Variants in DOCK1 observed in about 807,000 individuals in gnomAD.
DOCK1 encodes the protein dedicator of cytokinesis protein 1.
A neutral mutation model predicts 262.7 loss-of-function variants in DOCK1; 138 were observed. The ratio of observed to expected loss-of-function variants is 0.53; its 90% CI spans 0.46 to 0.61. The LOEUF is 0.61. DOCK1 is among the 20% of genes least tolerant of loss of function. The pLI is 0.00. For synonymous variants in DOCK1, 866 were observed against 867.4 expected, an observed-to-expected ratio of 1.00 and a Z score of 0.03; for missense variants, 1,908 against 2,370.7, an observed-to-expected ratio of 0.80 and a Z score of 4.05.
chr10:127,280,127 C>T (rs1209923417), intron 29 of DOCK1, among the ~76,000 whole-genome samples: 14 of 149,880 alleles, frequency 9.3e-5, no homozygotes, highest in Middle Eastern at 3.5e-3. Context: ...CTCCGCCTCC[C>T]GGGTTCACGC....
At chr10:127,155,347 A>C (rs4237451) in intron 27 of DOCK1, among the ~76,000 whole-genome samples, 32,550 of 152,124 alleles carry the variant, frequency 0.21, 4,193 homozygotes, top group South Asian at 0.29. Flanking sequence ...CCTCATGGTT[A>C]TGTGCAGTTT....
intron 23 of DOCK1, among the ~76,000 whole-genome samples, chr10:127,088,237 G>A (rs2047314422): frequency 6.6e-6 from 1 of 152,034 alleles, no homozygotes; most frequent in Non-Finnish European, 1.5e-5. Context: ...TGTCCTTTTC[G>A]CTTATTATTG....
In DOCK1 at chr10:127,099,768, A is replaced by T. The variant is rs144198491; in HGVS notation, c.2446-6463A>T. On this transcript the variant is annotated intron_variant, in intron 23 of 51. Coordinates refer to ENST00000623213, the MANE Select transcript of DOCK1 (RefSeq NM_001290223.2). ...CCTCCAACACTGGGGATCACGTTTC[A>T]GCATGAGAGATGGAGAGGACACACA... 5.3e-5 allele frequency among the ~76,000 whole-genome samples: 8 copies of T among 152,332 alleles called. No individual in the cohort carries two copies. In the East Asian group the frequency reaches 1.2e-3, roughly 22 times the overall value.
intron 1 of DOCK1, among the ~76,000 whole-genome samples, chr10:126,919,564 T>C (rs964672397): frequency 1.2e-4 from 19 of 152,160 alleles, no homozygotes; most frequent in Admixed American, 1.0e-3. Context: ...TGGGGGTGTG[T>C]GCAGGAGGCC....
intron 38 of DOCK1, among the ~76,000 whole-genome samples, chr10:127,397,926 C>T (rs932136503): frequency 2.0e-5 from 3 of 151,976 alleles, no homozygotes; most frequent in Admixed American, 2.0e-4. Flanking sequence ...CTGGATGACA[C>T]AAATAGTGGC....
intron 27 of DOCK1, among the ~76,000 whole-genome samples, chr10:127,173,899 G>A (rs1033627782): frequency 6.6e-6 from 1 of 152,160 alleles, no homozygotes; most frequent in East Asian, 1.9e-4. Flanking sequence ...CATTTGGCTG[G>A]CAGTTCTTTT....
At chr10:126,936,058 G>A (rs1417434225) in intron 1 of DOCK1, among the ~76,000 whole-genome samples, 1 of 152,186 alleles carries the variant, frequency 6.6e-6, no homozygotes, top group Admixed American at 6.5e-5. Flanking sequence ...ATAGCTCACT[G>A]CAGCCTTGAA....
chr10:126,948,454 T>G (rs1159151738), intron 1 of DOCK1, among the ~76,000 whole-genome samples: 23 of 151,292 alleles, frequency 1.5e-4, no homozygotes, highest in South Asian at 2.1e-4. Flanking sequence ...TGGTGGTGAT[T>G]GTGTTGGTAG....
At chr10:127,094,067 G>A in intron 23 of DOCK1, among the ~76,000 whole-genome samples, 1 of 152,082 alleles carries the variant, frequency 6.6e-6, no homozygotes, top group East Asian at 1.9e-4. Context: ...CTCTTTGCCT[G>A]CCTGTAGTCC....
chr10:126,942,918 A>G, intron 1 of DOCK1, among the ~76,000 whole-genome samples: 1 of 152,314 alleles, frequency 6.6e-6, no homozygotes, highest in South Asian at 2.1e-4. Flanking sequence ...CTATCCTAAA[A>G]TATATTGATT....
chr10:126,907,835 C>T (rs966075095), intron 1 of DOCK1, among the ~76,000 whole-genome samples: 2 of 151,828 alleles, frequency 1.3e-5, no homozygotes, highest in Middle Eastern at 3.2e-3. Context: ...ACACCTCTTG[C>T]TAATACTTTG....
At chr10:127,181,832 A>T (rs1400189172) in intron 27 of DOCK1, among the ~76,000 whole-genome samples, 1 of 152,232 alleles carries the variant, frequency 6.6e-6, no homozygotes, top group African/African-American at 2.4e-5. Context: ...GACCTGTTTC[A>T]TAGGTGCCAA....
chr10:127,297,121 T>C (rs2061530408), intron 29 of DOCK1, among the ~76,000 whole-genome samples: 1 of 152,092 alleles, frequency 6.6e-6, no homozygotes, highest in African/African-American at 2.4e-5. Flanking sequence ...AACCTGTTGA[T>C]TTGCCCGCAA....
At chr10:126,918,356 T>C (rs2134074289) in intron 1 of DOCK1, among the ~76,000 whole-genome samples, 1 of 152,372 alleles carries the variant, frequency 6.6e-6, no homozygotes, top group East Asian at 1.9e-4. Context: ...CGCTGCCTAC[T>C]GGTGCGTGGC....
intron 10 of DOCK1, among the ~76,000 whole-genome samples, chr10:127,006,427 T>C (rs559844969): frequency 1.3e-5 from 2 of 152,326 alleles, no homozygotes; most frequent in African/African-American, 4.8e-5. Flanking sequence ...GACTCTGTCT[T>C]TTCACCATCC....
At chr10:127,195,344 G>A (rs1201929183) in intron 27 of DOCK1, among the ~76,000 whole-genome samples, 1 of 152,148 alleles carries the variant, frequency 6.6e-6, no homozygotes, top group Non-Finnish European at 1.5e-5. Flanking sequence ...CGCCTGTCCC[G>A]GTCTGACTCG....
At chr10:126,935,079 G>T (rs2034477916) in intron 1 of DOCK1, among the ~76,000 whole-genome samples, 1 of 152,220 alleles carries the variant, frequency 6.6e-6, no homozygotes, top group African/African-American at 2.4e-5. Flanking sequence ...CTGCACTCCA[G>T]CCTGGGTGAC....
Position 127,451,561 on chromosome 10 carries a change from A to C in DOCK1, c.*134A>C, listed in dbSNP as rs143102847. On this transcript the variant is annotated 3_prime_UTR_variant, in exon 52 of 52. Transcript: ENST00000623213. Reference sequence around the variant, plus strand: ...ATTTCGTGCGACTGCTTTTTCTTCAAAGGAGTTCAGTTCTCACCATGGAGT... The same window carrying C: ...ATTTCGTGCGACTGCTTTTTCTTCACAGGAGTTCAGTTCTCACCATGGAGT... The C allele has an allele frequency of 6.6e-7, 1 of 1,506,120 alleles. No homozygotes were observed. Among genetic ancestry groups the C allele is most frequent in the Non-Finnish European group, 8.9e-7 (1 of 1,127,660 alleles). 93.3% of individuals were successfully genotyped at this position (1,506,120 alleles called of 1,614,324 possible).
At chr10:127,168,031 A>T (rs1359104450) in intron 27 of DOCK1, among the ~76,000 whole-genome samples, 1 of 152,198 alleles carries the variant, frequency 6.6e-6, no homozygotes, top group Non-Finnish European at 1.5e-5. Flanking sequence ...TCTCCAAGAG[A>T]AGCCCAAGAG....
Sources: allele counts gnomAD v4.1 joint callset (sites outside exome capture counted in the v4.1 genomes callset), GRCh38; gene constraint gnomAD v4.1.1; transcripts MANE v1.5; gene names NCBI Gene and HGNC (gene_info 2026-07-23, HGNC 2026-07-21).